SYT1: variants seen among roughly 807,000 people sequenced by gnomAD.
SYT1 encodes the protein synaptotagmin-1.
SYT1 carries 8 observed loss-of-function variants against 44.8 expected under a neutral mutation model. The ratio of observed to expected loss-of-function variants is 0.18; its 90% CI spans 0.10 to 0.32. The LOEUF is 0.32. Among genes scored for constraint, SYT1 ranks in the 10% least tolerant of loss-of-function variants. The pLI, the probability that SYT1 is intolerant of heterozygous loss-of-function variation, is 1.00. For synonymous variants in SYT1, 154 were observed against 188.8 expected (o/e 0.82, Z 1.51); for missense variants, 286 against 509.3 (o/e 0.56, Z 4.22).
At chr12:79,331,360 G>A (rs945976557) in intron 8 of SYT1, among the ~76,000 whole-genome samples, 2 of 152,068 alleles carry the variant, frequency 1.3e-5, no homozygotes, top group African/African-American at 2.4e-5. Flanking sequence ...CAGCCAAATG[G>A]TCTGAAATAT....
chr12:79,324,332 C>T (rs1881510542), intron 8 of SYT1, among the ~76,000 whole-genome samples: 1 of 152,228 alleles, frequency 6.6e-6, no homozygotes, highest in Admixed American at 6.5e-5. Flanking sequence ...ACCGTGCTTT[C>T]AGAATTCAGT....
chr12:79,214,693 A>C (rs1408097009), intron 3 of SYT1, among the ~76,000 whole-genome samples: 1 of 152,224 alleles, frequency 6.6e-6, no homozygotes, highest in East Asian at 1.9e-4. Context: ...TCCCACCTCT[A>C]CAACTGGACA....
At chr12:79,129,777 GGGGAGGA>G (rs1868687189) in intron 3 of SYT1, among the ~76,000 whole-genome samples, 1 of 152,132 alleles carries the variant, frequency 6.6e-6, no homozygotes, top group Non-Finnish European at 1.5e-5. Context: ...AATCAGGGTT[GGGGAGGA>G]GGCGGTGGCT....
At chr12:79,089,431 C>T (rs1018189863) in intron 3 of SYT1, among the ~76,000 whole-genome samples, 18 of 150,858 alleles carry the variant, frequency 1.2e-4, no homozygotes, top group Non-Finnish European at 2.5e-4. Context: ...CATCATTTTA[C>T]TGCCTCTGCC....
At chr12:79,221,303 A>G (rs1298354189) in intron 4 of SYT1, among the ~76,000 whole-genome samples, 1 of 151,830 alleles carries the variant, frequency 6.6e-6, no homozygotes, top group African/African-American at 2.4e-5. Context: ...TTTATTCTGT[A>G]TGTCCTTACA....
At chr12:79,353,387 A>G in intron 8 of SYT1, 115 bp from the exon 9 acceptor site, 1 of 811,456 alleles carries the variant, frequency 1.2e-6, no homozygotes, top group Admixed American at 2.1e-5. Context: ...TGGACCTACA[A>G]TTTTCAAATT....
At chr12:78,930,161 T>G (rs571136913) in intron 1 of SYT1, among the ~76,000 whole-genome samples, 1 of 152,286 alleles carries the variant, frequency 6.6e-6, no homozygotes, top group African/African-American at 2.4e-5. Flanking sequence ...TTATAATAGA[T>G]TTTAATGTCT....
intron 3 of SYT1, among the ~76,000 whole-genome samples, chr12:79,120,786 G>A (rs993723054): frequency 9.9e-5 from 15 of 152,020 alleles, no homozygotes; most frequent in Non-Finnish European, 8.8e-5. Flanking sequence ...GACATCATCC[G>A]ATCCAAATTC....
rs892747843 is a variant in SYT1, at chr12:79,102,254, T to TTC, written c.-18+54906_-18+54907dup. 3.4e-5 allele frequency among the ~76,000 whole-genome samples: 5 copies of TTC among 148,614 alleles called. No homozygotes were observed. The South Asian group carries it at 6.5e-4, about 19-fold the overall frequency. Reference sequence around the variant, plus strand: ...ATATGTCCCCTCTCCCTCTCTTTCCTTCTCTCTCTCTCTCTTTCTCTCTCT... The same window carrying TTC: ...ATATGTCCCCTCTCCCTCTCTTTCCTTCTCTCTCTCTCTCTCTTTCTCTCTCT... On this transcript the variant is annotated intron_variant, in intron 3 of 10. Transcript: ENST00000261205.
At chr12:79,222,025 C>T (rs1875194655) in intron 4 of SYT1, among the ~76,000 whole-genome samples, 1 of 152,078 alleles carries the variant, frequency 6.6e-6, no homozygotes, top group Non-Finnish European at 1.5e-5. Context: ...TCTAGGAAAG[C>T]CTTTATCTCT....
intron 1 of SYT1, among the ~76,000 whole-genome samples, chr12:78,957,311 TAAAG>T (rs1879263761): frequency 6.6e-6 from 1 of 152,172 alleles, no homozygotes; most frequent in East Asian, 1.9e-4. Context: ...CTATTTTAAA[TAAAG>T]AAGAAGAATA....
intron 3 of SYT1, 117 bp from the exon 4 acceptor site, chr12:79,217,385 AC>A (rs1874873542): frequency 5.1e-6 from 4 of 784,302 alleles, no homozygotes; most frequent in Non-Finnish European, 7.5e-6. Context: ...CTAATGATGG[AC>A]TATTTACCCA....
chr12:78,915,879 T>C (rs969252008), intron 1 of SYT1, among the ~76,000 whole-genome samples: 2 of 152,020 alleles, frequency 1.3e-5, no homozygotes, highest in African/African-American at 4.8e-5. Context: ...TTATCTACTT[T>C]TCATCCCAAA....
chr12:79,226,160 A>G (rs930192805), intron 4 of SYT1, among the ~76,000 whole-genome samples: 1 of 73,120 alleles, frequency 1.4e-5, no homozygotes, highest in Admixed American at 1.5e-4. Context: ...AAATTTAAGC[A>G]TCTTACTAAA....
intron 2 of SYT1, among the ~76,000 whole-genome samples, chr12:78,995,503 T>G (rs1870317360): frequency 2.0e-5 from 3 of 152,188 alleles, no homozygotes. Flanking sequence ...TTAACATCTT[T>G]GTAAAGATGT....
At chr12:78,974,838 GC>G (rs1473662125) in intron 1 of SYT1, among the ~76,000 whole-genome samples, 1 of 151,598 alleles carries the variant, frequency 6.6e-6, no homozygotes, top group Non-Finnish European at 1.5e-5. Context: ...CTTCATTCCT[GC>G]CTCCACCTCA....
At chr12:79,354,142 C>T (rs890343509) in intron 9 of SYT1, among the ~76,000 whole-genome samples, 2 of 152,108 alleles carry the variant, frequency 1.3e-5, no homozygotes, top group African/African-American at 2.4e-5. Context: ...CCACAGCTGA[C>T]ATTGAGGATG....
intron 3 of SYT1, among the ~76,000 whole-genome samples, chr12:79,217,301 C>T (rs1427753425): frequency 6.6e-6 from 1 of 152,190 alleles, no homozygotes; most frequent in Non-Finnish European, 1.5e-5. Flanking sequence ...TATGTCTGGT[C>T]TTACCTTCTG....
chr12:79,080,241 CAAGA>C (rs1467641073), intron 3 of SYT1, among the ~76,000 whole-genome samples: 1 of 151,988 alleles, frequency 6.6e-6, no homozygotes, highest in Non-Finnish European at 1.5e-5. Context: ...TGTATTTGGA[CAAGA>C]AAGAAAGAAT....
Sources: gnomAD v4.1 joint callset for allele counts (sites outside exome capture counted in the v4.1 genomes callset) on GRCh38, gnomAD v4.1.1 for gene constraint, MANE v1.5 for transcripts, NCBI Gene and HGNC (gene_info 2026-07-23, HGNC 2026-07-21) for gene names.